PDLIM7: variants seen among roughly 807,000 people sequenced by gnomAD.
PDLIM7 encodes the protein PDZ and LIM domain protein 7.
A neutral mutation model predicts 53.9 loss-of-function variants in PDLIM7; 37 were observed. The observed-to-expected ratio is 0.69, with a 90% CI of 0.53 to 0.90. The LOEUF (loss-of-function observed/expected upper bound fraction) is 0.90, where lower values mean the gene tolerates loss of function less well. Ranked by LOEUF, PDLIM7 falls within the 40% of genes least tolerant of loss-of-function variation. The probability of loss-of-function intolerance (pLI) is 0.00; values close to 1 mark genes in which losing one functional copy is unlikely to be tolerated. For synonymous variants in PDLIM7, 300 were observed against 261.3 expected (o/e 1.15, Z -1.43); for missense variants, 617 against 638.5 (o/e 0.97, Z 0.36).
Position 177,483,955 on chromosome 5 carries a change from C to G in PDLIM7, c.1199G>C (p.Cys400Ser). 1 of 1,613,922 alleles carries G rather than the reference C, an allele frequency of 6.2e-7. No homozygotes were observed. Among genetic ancestry groups the G allele is most frequent in the Non-Finnish European group, 8.5e-7 (1 of 1,179,980 alleles). Residue 400 changes from cysteine (C) to serine (S), a missense_variant, in exon 12 of 13, where the codon TGC (cysteine) becomes TCC (serine). Transcript: ENST00000355841. ...RDYEKMFGTK[C>S]HGCDFKIDAG... The stretch of plus-strand genomic sequence containing the variant: ...GTCGATCTTGAAGTCACAGCCATGG[C>G]ATTTCGTGCCAAACATCTTCTCATA...
At chr5:177,494,105 A>G (rs548626360) in intron 2 of PDLIM7, among the ~76,000 whole-genome samples, 1 of 152,332 alleles carries the variant, frequency 6.6e-6, no homozygotes, top group Non-Finnish European at 1.5e-5. Flanking sequence ...TTGAGCACCA[A>G]CTATGCTACA....
At chr5:177,492,379 C>T in intron 4 of PDLIM7, 26 bp downstream of exon 4, 4 of 1,611,802 alleles carry the variant, frequency 2.5e-6, no homozygotes, top group South Asian at 1.1e-5. Context: ...CCGCCCACCG[C>T]CCGGATGTCC....
chr5:177,489,808 T>A lies in PDLIM7; in HGVS notation c.597A>T (p.Pro199=). ...CCTGGGGTGTAGATGAGGCTGGGGC[T>A]GGGGCTTCTGTCCTGGGCACCTGGC... The part of the protein sequence containing the change: ...KSSQVPRTEA[P]APASSTPQEP... Residue 199 remains proline (P), a synonymous_variant, in exon 8 of 13, where the codon CCA becomes CCT. Transcript: ENST00000355841. 6.3e-7 allele frequency: 1 copy of A among 1,581,178 alleles called. No individual in the cohort carries two copies.
intron 9 of PDLIM7, 36 bp from the exon 10 acceptor site, chr5:177,488,284 G>C: frequency 6.5e-7 from 1 of 1,543,476 alleles, no homozygotes; most frequent in Non-Finnish European, 8.7e-7. Flanking sequence ...GGGAGCACAC[G>C]CAGAGAGGTG....
chr5:177,492,494 G>A (rs781358289), intron 3 of PDLIM7, 32 bp downstream of exon 3: 10 of 1,613,542 alleles, frequency 6.2e-6, no homozygotes, highest in Middle Eastern at 3.3e-4. Context: ...CACTGCCAGC[G>A]CGGGCGCACC....
At position 177,488,131 on chromosome 5, in the gene PDLIM7, G is replaced by A. The variant is rs756151245; in HGVS notation, c.987C>T (p.Cys329=). 1 of 1,613,250 alleles carries A rather than the reference G, an allele frequency of 6.2e-7. No individual in the cohort carries two copies. Among genetic ancestry groups the A allele is most frequent in the Non-Finnish European group, 8.5e-7 (1 of 1,179,908 alleles). Residue 329 remains cysteine, a synonymous_variant, in exon 10 of 13, where the codon TGC becomes TGT. Coordinates refer to ENST00000355841, the MANE Select transcript of PDLIM7 (RefSeq NM_005451.5). ...CATAGCGCACGTCATAGCATGGTGG[G>A]CAGAAGATGGCGCCCTTCTCCTCAA... ...GFFEEKGAIF[C]PPCYDVRYAP...
chr5:177,495,127 G>A (rs1459907763), intron 2 of PDLIM7: 1 of 152,476 alleles, frequency 6.6e-6, no homozygotes, highest in Non-Finnish European at 1.5e-5. Flanking sequence ...TTCCCAGGGA[G>A]CAGGACGTCA....
intron 1 of PDLIM7, 109 bp from the exon 2 acceptor site, chr5:177,496,632 A>T: frequency 1.6e-6 from 1 of 642,112 alleles, no homozygotes. Context: ...AGGCACGGGC[A>T]GCCCCTGAGC....
At chr5:177,486,827 T>C (rs1015321470) in intron 10 of PDLIM7, among the ~76,000 whole-genome samples, 20 of 151,476 alleles carry the variant, frequency 1.3e-4, no homozygotes, top group African/African-American at 4.6e-4. Flanking sequence ...GAGATGGGGT[T>C]TCACCGTGTT....
At chr5:177,497,024 G>A (rs1327661773) in intron 1 of PDLIM7, 3 of 127,704 alleles carry the variant, frequency 2.3e-5, no homozygotes, top group African/African-American at 5.6e-5. Flanking sequence ...GGGGAGGGGA[G>A]GGGAGGGGAG....
rs1051370827 is a variant in PDLIM7, at chr5:177,495,328, T to C, written c.96+1089A>G. On this transcript the variant is annotated intron_variant, in intron 2 of 12. Transcript: ENST00000355841. ...ACAGACAGACTCCAGCTTGAGCCCC[T>C]CCTCAGGCCACGACCCTCTGGGCCC... Among the ~76,000 whole-genome samples the C allele has an allele frequency of 3.3e-5, 5 of 151,986 alleles. No individual in the cohort carries two copies. In the East Asian group the frequency reaches 7.8e-4, roughly 24 times the overall value.
chr5:177,484,032 T>C (rs779203733), intron 11 of PDLIM7, 38 bp downstream of exon 11: 8 of 1,613,534 alleles, frequency 5.0e-6, no homozygotes, highest in South Asian at 4.4e-5. Context: ...GCCTGCCCCA[T>C]GCACCATCCC....
At chr5:177,490,673 G>A (rs999227497) in intron 7 of PDLIM7, 197 bp downstream of exon 7, 7 of 977,136 alleles carry the variant, frequency 7.2e-6, no homozygotes, top group Admixed American at 2.1e-5. Flanking sequence ...AGGGAAGGAA[G>A]GAGGGAGGGA....
Position 177,492,584 on chromosome 5 carries a change from T to G in PDLIM7, c.190A>C (p.Ile64Leu), listed in dbSNP as rs373039120. The change falls in exon 3 of 13, where the codon ATC becomes CTC. Residue 64 changes from isoleucine (I) to leucine (L), a missense_variant. Physicochemically the swap from Ile to Leu is conservative, Grantham distance 5. Transcript: ENST00000355841. ...GCCCGGATCTTGTTCTGAGCTTCGA[T>G]GTGTGTGAGGCTACCCGCATTCTCG... is the stretch of plus-strand genomic sequence containing the variant. Reference protein sequence around the residue: ...DGENAGSLTHIEAQNKIRACG... With the variant: ...DGENAGSLTHLEAQNKIRACG... The G allele has an allele frequency of 4.3e-6, 7 of 1,613,640 alleles. No individual in the cohort carries two copies. The highest frequency in any genetic ancestry group is 2.7e-5 in the African/African-American group (2 of 74,950).
chr5:177,489,654 G>C lies in PDLIM7; in HGVS notation c.635-27C>G, dbSNP rs1316447608. 2.6e-6 allele frequency: 4 copies of C among 1,544,132 alleles called. No homozygotes were observed. In the Admixed American group the frequency reaches 5.8e-5, roughly 22 times the overall value. On this transcript the variant is annotated intron_variant, in intron 8 of 12. Coordinates refer to ENST00000355841, the MANE Select transcript of PDLIM7 (RefSeq NM_005451.5). ...TGCCGGGGAAAGTGACTCTAAAGGG[G>C]TGCCCAGGGACCCCAAAGGACGGGG...
intron 2 of PDLIM7, among the ~76,000 whole-genome samples, chr5:177,493,533 T>C (rs938102717): frequency 1.3e-5 from 2 of 152,002 alleles, no homozygotes; most frequent in Non-Finnish European, 2.9e-5. Flanking sequence ...GCCTAGCGGG[T>C]GAGAGTTCAC....
At chr5:177,484,459 G>C in intron 10 of PDLIM7, 1 of 437,772 alleles carries the variant, frequency 2.3e-6, no homozygotes, top group Non-Finnish European at 4.2e-6. Context: ...CACGCGGATG[G>C]CAACTCCATT....
In PDLIM7 at chr5:177,483,858, G is replaced by T; in HGVS notation, c.1287+9C>A. ...GCTTGGGGCTCAGTTCGAGGGGCGGGGCTCTCACCGCACAGACGAAGCAGG... is the reference window on the plus strand; with the variant it reads ...GCTTGGGGCTCAGTTCGAGGGGCGGTGCTCTCACCGCACAGACGAAGCAGG... On this transcript the variant is annotated intron_variant, in intron 12 of 12. Coordinates refer to ENST00000355841, the MANE Select transcript of PDLIM7 (RefSeq NM_005451.5). The T allele has an allele frequency of 6.2e-7, 1 of 1,610,820 alleles. No individual in the cohort carries two copies. Among genetic ancestry groups the T allele is most frequent in the Non-Finnish European group, 8.5e-7 (1 of 1,177,660 alleles).
At position 177,492,638 on chromosome 5, in the gene PDLIM7, C is replaced by T. The variant is rs1351332502; in HGVS notation, c.136G>A (p.Val46Met). 8 of 1,608,788 alleles carry T rather than the reference C, an allele frequency of 5.0e-6. No individual in the cohort carries two copies. Among genetic ancestry groups the T allele is most frequent in the East Asian group, 2.2e-5 (1 of 44,878 alleles). The change falls in exon 3 of 13, where the codon GTG becomes ATG. Residue 46 changes from valine to methionine, a missense_variant. Transcript: ENST00000355841. ...TCGATGCTCAGCACCCAGTCACCCACGGCCACTCCGGCCTGCGCCGCTTTG... is the reference window on the plus strand; with the variant it reads ...TCGATGCTCAGCACCCAGTCACCCATGGCCACTCCGGCCTGCGCCGCTTTG... The part of the protein sequence containing the change: ...GGKAAQAGVA[V>M]GDWVLSIDGE...
Sources: gnomAD v4.1 joint callset for allele counts (sites outside exome capture counted in the v4.1 genomes callset) on GRCh38, gnomAD v4.1.1 for gene constraint, MANE v1.5 for transcripts, NCBI Gene and HGNC (gene_info 2026-07-23, HGNC 2026-07-21) for gene names.